The following RGS6 variants were observed in gnomAD, a reference collection of about 807,000 sequenced individuals.
The protein encoded by RGS6 is regulator of G protein signaling 6, also known as regulator of G-protein signaling 6.
Under a neutral mutation model 78.5 loss-of-function variants are expected in RGS6, and 30 were observed. The observed-to-expected ratio is 0.38, with a 90% CI of 0.29 to 0.52. The LOEUF is 0.52. RGS6 is among the 20% of genes least tolerant of loss of function. The pLI is 0.85. For synonymous variants in RGS6, 206 were observed against 206.0 expected (o/e 1.00, Z 0.00); for missense variants, 495 against 609.7 (o/e 0.81, Z 1.98).
At chr14:72,216,401 A>G (rs1206298278) in intron 2 of RGS6, among the ~76,000 whole-genome samples, 1 of 152,236 alleles carries the variant, frequency 6.6e-6, no homozygotes, top group African/African-American at 2.4e-5. Context: ...AGCTCCAATT[A>G]GTTACCGCAG....
chr14:72,068,184 A>AGTGCAGT (rs1163464894), intron 2 of RGS6, among the ~76,000 whole-genome samples: 1 of 147,136 alleles, frequency 6.8e-6, no homozygotes, highest in Non-Finnish European at 1.5e-5. Flanking sequence ...CCCAGGCTGG[A>AGTGCAGT]GTGCAGTGGT....
At chr14:72,382,507 C>T (rs1241825046) in intron 3 of RGS6, among the ~76,000 whole-genome samples, 1 of 152,152 alleles carries the variant, frequency 6.6e-6, no homozygotes, top group Non-Finnish European at 1.5e-5. Flanking sequence ...AGTGTGCATT[C>T]GCAAACCACA....
intron 2 of RGS6, among the ~76,000 whole-genome samples, chr14:72,350,587 C>T (rs934018988): frequency 2.6e-5 from 4 of 152,090 alleles, no homozygotes; most frequent in Non-Finnish European, 5.9e-5. Context: ...AGAAACTCTC[C>T]AGAATTCTCT....
chr14:71,965,236 T>C (rs2093439870), intron 2 of RGS6, among the ~76,000 whole-genome samples: 1 of 152,112 alleles, frequency 6.6e-6, no homozygotes, highest in Non-Finnish European at 1.5e-5. Context: ...CTGTGGGAGA[T>C]AGAGAGGTAT....
the RGS6 span, among the ~76,000 whole-genome samples, chr14:71,915,571 C>T: frequency 1.3e-5 from 2 of 152,210 alleles, no homozygotes; most frequent in African/African-American, 4.8e-5. Context: ...CTAGTGTCCA[C>T]TCCACTTTGT....
At chr14:72,190,808 C>T (rs2097314126) in intron 2 of RGS6, among the ~76,000 whole-genome samples, 1 of 152,160 alleles carries the variant, frequency 6.6e-6, no homozygotes, top group Non-Finnish European at 1.5e-5. Context: ...TGTTAACATG[C>T]AGAAATTCCT....
At chr14:72,595,267 C>T in the RGS6 span, 1 of 152,126 alleles carries the variant, frequency 6.6e-6, no homozygotes, top group Non-Finnish European at 1.5e-5. Context: ...CCTCAGGTCA[C>T]TGGAACTAAA....
chr14:71,876,382 C>T, the RGS6 span, among the ~76,000 whole-genome samples: 1 of 150,886 alleles, frequency 6.6e-6, no homozygotes, highest in East Asian at 1.9e-4. Flanking sequence ...TTGAATTGAT[C>T]CCTTTACCAT....
At chr14:72,047,448 C>T (rs36743) in intron 2 of RGS6, among the ~76,000 whole-genome samples, 41,999 of 152,030 alleles carry the variant, frequency 0.28, 6,034 homozygotes, top group Admixed American at 0.33. Context: ...GTGAAGCTGG[C>T]GATATGTCCT....
At chr14:72,111,815 C>T (rs1452989656) in intron 2 of RGS6, among the ~76,000 whole-genome samples, 1 of 152,188 alleles carries the variant, frequency 6.6e-6, no homozygotes, top group Admixed American at 6.5e-5. Context: ...GAGGAGCATT[C>T]AGACCATTTG....
At chr14:72,172,259 G>A (rs1466082540) in intron 2 of RGS6, among the ~76,000 whole-genome samples, 2 of 150,994 alleles carry the variant, frequency 1.3e-5, no homozygotes, top group Non-Finnish European at 1.5e-5. Flanking sequence ...CAGTCCTTTC[G>A]AGATGATGTC....
chr14:72,014,722 G>T (rs1445864183), intron 2 of RGS6, among the ~76,000 whole-genome samples: 3 of 152,212 alleles, frequency 2.0e-5, no homozygotes, highest in African/African-American at 7.2e-5. Context: ...ATGTTAAACA[G>T]ATGTTAACGT....
At chr14:72,608,918 C>G in the RGS6 span, among the ~76,000 whole-genome samples, 1 of 152,240 alleles carries the variant, frequency 6.6e-6, no homozygotes, top group Non-Finnish European at 1.5e-5. Flanking sequence ...CTTTCTCTCT[C>G]TCTTACACAA....
chr14:72,551,307 G>A (rs2097503416), intron 17 of RGS6, among the ~76,000 whole-genome samples: 1 of 152,162 alleles, frequency 6.6e-6, no homozygotes, highest in Non-Finnish European at 1.5e-5. Context: ...ACAGTGAAGT[G>A]CATCTTGCTC....
intron 2 of RGS6, among the ~76,000 whole-genome samples, chr14:72,248,938 T>C (rs547644148): frequency 6.6e-6 from 1 of 152,344 alleles, no homozygotes; most frequent in Admixed American, 6.5e-5. Flanking sequence ...TCTTTTTTGA[T>C]TCTCTCCTAA....
chr14:72,013,291 A>G (rs911891099), intron 2 of RGS6, among the ~76,000 whole-genome samples: 2 of 150,910 alleles, frequency 1.3e-5, no homozygotes, highest in Admixed American at 1.3e-4. Flanking sequence ...AAAAAAAAAA[A>G]AAACAACAAC....
chr14:72,269,044 A>G (rs1048548309), intron 2 of RGS6, among the ~76,000 whole-genome samples: 1 of 151,882 alleles, frequency 6.6e-6, no homozygotes, highest in African/African-American at 2.4e-5. Context: ...GTGTGATTTG[A>G]TTTCTTTTCT....
At chr14:72,556,695 TG>T (rs1337344215) in intron 17 of RGS6, among the ~76,000 whole-genome samples, 4 of 25,572 alleles carry the variant, frequency 1.6e-4, no homozygotes, top group African/African-American at 4.7e-4. Context: ...GGGGGCGGGG[TG>T]GGGGGTGCTG....
intron 3 of RGS6, among the ~76,000 whole-genome samples, chr14:72,446,946 T>G (rs959121462): frequency 6.6e-6 from 1 of 152,044 alleles, no homozygotes; most frequent in African/African-American, 2.4e-5. Flanking sequence ...CTTCACTTGC[T>G]CACCCGCCAC....
Sources: allele counts gnomAD v4.1 joint callset (sites outside exome capture counted in the v4.1 genomes callset), GRCh38; gene constraint gnomAD v4.1.1; transcripts MANE v1.5; gene names NCBI Gene and HGNC (gene_info 2026-07-23, HGNC 2026-07-21).